DMD: variants seen among roughly 807,000 people sequenced by gnomAD.
DMD encodes the protein dystrophin, also known as mutant dystrophin.
In DMD, 63 loss-of-function variants were observed where a neutral mutation model predicts 330.1. The ratio of observed to expected loss-of-function variants is 0.19; its 90% confidence interval spans 0.16 to 0.24. DMD has a LOEUF of 0.24. Among genes scored for constraint, DMD ranks in the 10% least tolerant of loss-of-function variants. The pLI, the probability that DMD is intolerant of heterozygous loss-of-function variation, is 1.00. For synonymous variants in DMD, 1,223 were observed against 959.8 expected (o/e 1.27, Z -5.07); for missense variants, 3,344 against 2,684.1 (o/e 1.25, Z -5.43).
chrX:31,502,571 G>A (rs963951347), intron 56 of DMD, among the ~76,000 whole-genome samples: 1 of 111,064 alleles, frequency 9.0e-6, no homozygotes, highest in East Asian at 2.8e-4. Flanking sequence ...GCCTCTTAAT[G>A]TTCACAATTG....
rs768726519 is a variant in DMD, at chrX:33,308,421, C to T, written c.7+30838G>A. ...ATAATTTTTCTGAGAATCAATTAAT[C>T]GTCTAACTTTAAATAAAGTAAAAAT... On this transcript the variant is annotated intron_variant, in intron 1 of 17. Coordinates refer to the DMD transcript ENST00000288447. Among the ~76,000 whole-genome samples the T allele has an allele frequency of 3.1e-3, 350 of 112,003 alleles. 1 individual carries two copies. The highest frequency in any genetic ancestry group is 5.4e-3 in the Non-Finnish European group (285 of 53,160).
chrX:32,385,955 A>G (rs940279184), intron 33 of DMD, among the ~76,000 whole-genome samples: 6 of 110,431 alleles, frequency 5.4e-5, no homozygotes, highest in African/African-American at 2.0e-4. Context: ...GATATATATA[A>G]TGAAAATAAG....
intron 29 of DMD, among the ~76,000 whole-genome samples, chrX:32,435,608 G>A (rs1037647675): frequency 1.8e-5 from 2 of 110,399 alleles, no homozygotes; most frequent in Admixed American, 1.9e-4. Context: ...TTTGACACGG[G>A]AACATTTCTC....
intron 44 of DMD, among the ~76,000 whole-genome samples, chrX:31,984,613 AAAAACAC>A (rs1296722519): frequency 8.9e-6 from 1 of 112,629 alleles, no homozygotes; most frequent in Non-Finnish European, 1.9e-5. Context: ...ACATGATGAA[AAAAACAC>A]AAACAAGGCT....
At chrX:33,033,496 GT>G (rs1301244829) in intron 1 of DMD, among the ~76,000 whole-genome samples, 1 of 104,945 alleles carries the variant, frequency 9.5e-6, no homozygotes, top group East Asian at 3.0e-4. Flanking sequence ...GGATCACAAG[GT>G]CAGGAGATCG....
intron 62 of DMD, among the ~76,000 whole-genome samples, chrX:31,308,141 T>C (rs1308413665): frequency 8.9e-6 from 1 of 111,951 alleles, no homozygotes. Context: ...CCTCCTGCTG[T>C]TCCAGTCCAT....
intron 44 of DMD, among the ~76,000 whole-genome samples, chrX:32,104,554 C>T (rs1469222567): frequency 2.7e-5 from 3 of 111,585 alleles, no homozygotes; most frequent in Non-Finnish European, 5.7e-5. Flanking sequence ...ATTTACCACC[C>T]TGAAATGAAA....
At position 32,005,329 on chromosome X, in the gene DMD, A is replaced by T. The variant is rs2095654202; in HGVS notation, c.6439-36815T>A. Among the ~76,000 whole-genome samples the T allele has an allele frequency of 2.7e-5, 3 of 111,524 alleles. No homozygotes were observed. The South Asian group carries it at 1.1e-3, about 42-fold the overall frequency. ...TATTAAACTTGGTGTGAGATGAGCT[A>T]GCATCCTGAATTTCCCCCTTGAGCC... On this transcript the variant is annotated intron_variant, in intron 44 of 78. Coordinates refer to ENST00000357033, the MANE Select transcript of DMD (RefSeq NM_004006.3).
At chrX:32,727,189 T>G (rs968141654) in intron 7 of DMD, among the ~76,000 whole-genome samples, 7 of 111,471 alleles carry the variant, frequency 6.3e-5, no homozygotes, top group Non-Finnish European at 1.1e-4. Flanking sequence ...AAAATTCAGT[T>G]AGTGAATGCA....
rs991467522 is a variant in DMD, at chrX:33,192,451, G to C, written c.31+18831C>G. Among the ~76,000 whole-genome samples, 4 of 112,148 alleles carry C rather than the reference G, an allele frequency of 3.6e-5. No homozygotes were observed. The Admixed American group carries it at 3.8e-4, about 11-fold the overall frequency. On this transcript the variant is annotated intron_variant, in intron 1 of 78. Coordinates refer to ENST00000357033, the MANE Select transcript of DMD (RefSeq NM_004006.3). ...TAACGAGAAATACACACCTAACTTA[G>C]AACAGCAGAAGGAGCAGATGCTTTA...
intron 7 of DMD, among the ~76,000 whole-genome samples, chrX:32,771,557 G>A (rs773873219): frequency 9.4e-6 from 1 of 106,734 alleles, no homozygotes; most frequent in East Asian, 2.9e-4. Context: ...CCCCAATACG[G>A]CTTTTTTCAA....
chrX:31,316,328 T>C (rs754612763), intron 62 of DMD, among the ~76,000 whole-genome samples: 3 of 112,387 alleles, frequency 2.7e-5, no homozygotes, highest in East Asian at 2.8e-4. Context: ...GAAAAGCACA[T>C]AGAATTACTG....
intron 2 of DMD, among the ~76,000 whole-genome samples, chrX:32,968,099 C>A (rs5972723): frequency 0.017 from 1,924 of 112,047 alleles, 27 homozygotes; most frequent in South Asian, 0.03. Flanking sequence ...TCCCCAAGAA[C>A]CAGTAAGTGT....
intron 63 of DMD, among the ~76,000 whole-genome samples, chrX:31,248,152 A>AT (rs2049007236): frequency 8.9e-6 from 1 of 112,315 alleles, no homozygotes; most frequent in Non-Finnish European, 1.9e-5. Flanking sequence ...AGGTATGTAC[A>AT]TTGTTTTTTA....
chrX:31,510,042 G>C (rs1481077985), intron 55 of DMD, among the ~76,000 whole-genome samples: 1 of 112,227 alleles, frequency 8.9e-6, no homozygotes, highest in Non-Finnish European at 1.9e-5. Flanking sequence ...TCTTCTGTCA[G>C]TACTGCTTTT....
rs72466551 is a variant in DMD at position 31,206,934 on chromosome X, T to C, written c.9564-267A>G. On this transcript the variant is annotated intron_variant, in intron 65 of 78. Transcript: ENST00000357033. ...AGTTTCAATTCCTAAAAACCCTTAT[T>C]TGAACTGCAAAAGTTCTACATAAAT... is the stretch of plus-strand genomic sequence containing the variant. Among the ~76,000 whole-genome samples the C allele has an allele frequency of 0.026, 2,546 of 99,658 alleles. 70 individuals carry two copies. Among genetic ancestry groups the C allele is most frequent in the African/African-American group, 0.087 (2,412 of 27,721 alleles). The allele number at this position is 99,658 out of a possible 115,157, so 86.5% of individuals were successfully genotyped here. A position where few individuals can be genotyped will look rare whatever the true frequency, so the allele number is the denominator to read the frequency against.
At chrX:32,490,329 G>T (rs1327096918) in intron 20 of DMD, among the ~76,000 whole-genome samples, 1 of 111,886 alleles carries the variant, frequency 8.9e-6, no homozygotes, top group Non-Finnish European at 1.9e-5. Context: ...AATGAAAACA[G>T]TTTAGGCTAT....
chrX:31,531,723 T>C (rs1439478887), intron 55 of DMD, among the ~76,000 whole-genome samples: 2 of 109,853 alleles, frequency 1.8e-5, no homozygotes, highest in Non-Finnish European at 1.9e-5. Flanking sequence ...GCCATTGCTT[T>C]TGAAAAACTT....
At chrX:33,142,580 A>G (rs1163764257) in intron 1 of DMD, among the ~76,000 whole-genome samples, 1 of 111,980 alleles carries the variant, frequency 8.9e-6, no homozygotes, top group Non-Finnish European at 1.9e-5. Flanking sequence ...CCTTCCCTCA[A>G]TCAAAGATAC....
Sources: gnomAD v4.1 joint callset for allele counts (sites outside exome capture counted in the v4.1 genomes callset) on GRCh38, gnomAD v4.1.1 for gene constraint, MANE v1.5 for transcripts, NCBI Gene and HGNC (gene_info 2026-07-23, HGNC 2026-07-21) for gene names.